Variants in RBFOX1 observed in about 807,000 individuals in gnomAD.
RBFOX1 encodes RNA binding fox-1 homolog 1, also known as RNA binding protein fox-1 homolog 1.
A neutral mutation model predicts 57.7 loss-of-function variants in RBFOX1; 8 were observed. That is an observed-to-expected ratio of 0.14 (90% CI 0.08 to 0.25). The LOEUF (loss-of-function observed/expected upper bound fraction) is 0.25. RBFOX1 is among the 10% of genes least tolerant of loss of function. RBFOX1 has a pLI of 1.00. For synonymous variants in RBFOX1, 326 were observed against 222.4 expected (o/e 1.47, Z -4.15); for missense variants, 611 against 548.5 (o/e 1.11, Z -1.14).
intron 3 of RBFOX1, among the ~76,000 whole-genome samples, chr16:5,707,619 A>C (rs767609831): frequency 2.0e-5 from 3 of 152,214 alleles, no homozygotes; most frequent in Non-Finnish European, 4.4e-5. Context: ...GTTTCCAGGG[A>C]AGATACAGCT....
intron 4 of RBFOX1, among the ~76,000 whole-genome samples, chr16:5,960,465 C>A (rs978596208): frequency 6.6e-6 from 1 of 152,142 alleles, no homozygotes; most frequent in Non-Finnish European, 1.5e-5. Flanking sequence ...GTGAAAACAG[C>A]AAATATGGAG....
chr16:6,793,244 G>T (rs916426851), intron 3 of RBFOX1, among the ~76,000 whole-genome samples: 2 of 152,230 alleles, frequency 1.3e-5, no homozygotes, highest in African/African-American at 4.8e-5. Flanking sequence ...GAACATTCCA[G>T]TAGACCGATT....
chr16:6,626,533 G>A (rs543190098), intron 2 of RBFOX1, among the ~76,000 whole-genome samples: 1 of 152,320 alleles, frequency 6.6e-6, no homozygotes, highest in Admixed American at 6.5e-5. Context: ...GCCGAGGCAG[G>A]CGGATCACCT....
intron 4 of RBFOX1, among the ~76,000 whole-genome samples, chr16:7,348,060 T>C (rs922079897): frequency 2.0e-5 from 3 of 152,254 alleles, no homozygotes; most frequent in African/African-American, 7.2e-5. Flanking sequence ...TTGACTTCTG[T>C]TTAACAGAAA....
intron 2 of RBFOX1, among the ~76,000 whole-genome samples, chr16:6,420,635 C>T (rs532661343): frequency 2.6e-5 from 4 of 152,298 alleles, no homozygotes; most frequent in Admixed American, 6.5e-5. Context: ...CAGTTCATCA[C>T]GTTTCTCATT....
intron 9 of RBFOX1, among the ~76,000 whole-genome samples, chr16:7,603,881 T>C (rs1436724214): frequency 6.6e-6 from 1 of 152,106 alleles, no homozygotes; most frequent in Non-Finnish European, 1.5e-5. Context: ...CTGATGTTTT[T>C]TTTAAAAAAA....
intron 4 of RBFOX1, among the ~76,000 whole-genome samples, chr16:7,226,686 G>T (rs893747171): frequency 6.6e-6 from 1 of 152,106 alleles, no homozygotes; most frequent in Non-Finnish European, 1.5e-5. Context: ...TTCTAAAACC[G>T]CAAAAAGTAC....
intron 3 of RBFOX1, among the ~76,000 whole-genome samples, chr16:6,977,073 CAT>C (rs1276384139): frequency 7.3e-6 from 1 of 137,350 alleles, no homozygotes; most frequent in African/African-American, 2.6e-5. Context: ...TATACTTTAT[CAT>C]ATATGATCTA....
intron 3 of RBFOX1, among the ~76,000 whole-genome samples, chr16:5,766,245 GGCCACAGGAGGA>G (rs1281116272): frequency 6.6e-6 from 1 of 152,106 alleles, no homozygotes; most frequent in Non-Finnish European, 1.5e-5. Flanking sequence ...CGTCTCACAT[GGCCACAGGAGGA>G]GCAAGAGAGA....
At chr16:6,467,115 A>G (rs1057183472) in intron 2 of RBFOX1, among the ~76,000 whole-genome samples, 1 of 151,032 alleles carries the variant, frequency 6.6e-6, no homozygotes, top group Non-Finnish European at 1.5e-5. Flanking sequence ...TACTTAATAT[A>G]TGAATTACAG....
intron 3 of RBFOX1, among the ~76,000 whole-genome samples, chr16:5,766,309 G>C (rs76644234): frequency 0.012 from 1,777 of 152,220 alleles, 35 homozygotes; most frequent in African/African-American, 0.04. Flanking sequence ...GATCTGGGCT[G>C]GGCACGGTGG....
At chr16:5,981,591 C>T (rs529414240) in intron 4 of RBFOX1, among the ~76,000 whole-genome samples, 1 of 152,120 alleles carries the variant, frequency 6.6e-6, no homozygotes, top group African/African-American at 2.4e-5. Flanking sequence ...GCTTCAGCCT[C>T]ATGAGTAGCT....
chr16:7,348,359 G>T (rs1603626491), intron 4 of RBFOX1, among the ~76,000 whole-genome samples: 1 of 151,834 alleles, frequency 6.6e-6, no homozygotes, highest in African/African-American at 2.4e-5. Context: ...AAGCAGCTGG[G>T]TTTTTAATAG....
chr16:5,440,665 C>T (rs914763815), intron 1 of RBFOX1, among the ~76,000 whole-genome samples: 2 of 152,238 alleles, frequency 1.3e-5, no homozygotes, highest in South Asian at 4.2e-4. Flanking sequence ...ATCTACCTGG[C>T]CAGGAGCCAC....
intron 2 of RBFOX1, among the ~76,000 whole-genome samples, chr16:6,511,090 G>T (rs2096247169): frequency 6.6e-6 from 1 of 152,188 alleles, no homozygotes; most frequent in African/African-American, 2.4e-5. Context: ...GCGTGGATCA[G>T]AATGGCTTTT....
At position 6,537,827 on chromosome 16, in the gene RBFOX1, A is replaced by G. The variant is rs146312713; in HGVS notation, c.-63-116776A>G. 5.2e-3 allele frequency among the ~76,000 whole-genome samples: 789 copies of G among 152,282 alleles called. 5 individuals carry two copies. The highest frequency in any genetic ancestry group is 0.021 in the Middle Eastern group (6 of 292). On this transcript the variant is annotated intron_variant, in intron 2 of 15. Transcript: ENST00000550418. The stretch of plus-strand genomic sequence containing the variant: ...TCAGGAAATGATTTACATATCCAGC[A>G]GGAGTGATTTTCTTTATATATAGAA...
rs147702663 is a variant in RBFOX1 at position 6,250,390 on chromosome 16, A to T, written c.-126-66605A>T. On this transcript the variant is annotated intron_variant, in intron 1 of 15. Coordinates refer to ENST00000550418, the MANE Select transcript of RBFOX1 (RefSeq NM_018723.4). ...ATGACTAGGAAAGTCACTCCTCTTG[A>T]CATTGCAATGTTTGTGATGCGGAGG... Among the ~76,000 whole-genome samples the T allele has an allele frequency of 4.1e-3, 628 of 152,250 alleles. 8 individuals are homozygous for T. Among genetic ancestry groups the T allele is most frequent in the African/African-American group, 0.015 (608 of 41,542 alleles).
chr16:6,171,501 T>C (rs903160864), intron 1 of RBFOX1, among the ~76,000 whole-genome samples: 3 of 152,168 alleles, frequency 2.0e-5, no homozygotes, highest in African/African-American at 7.2e-5. Flanking sequence ...TTCCTGGAGT[T>C]TGGTGGGATA....
Position 7,273,200 on chromosome 16 carries a change from CCCTCCCTTCCTTCCTTCCTTCCTT to C in RBFOX1, c.27+221106_27+221129del, listed in dbSNP as rs1294486432. Among the ~76,000 whole-genome samples, 208 of 53,376 alleles carry C rather than the reference CCCTCCCTTCCTTCCTTCCTTCCTT, an allele frequency of 3.9e-3. 13 individuals carry two copies. Among genetic ancestry groups the C allele is most frequent in the African/African-American group, 0.015 (198 of 12,864 alleles). The allele number at this position is 53,376 out of a possible 152,430, so 35.0% of individuals were successfully genotyped here. A position where few individuals can be genotyped will look rare whatever the true frequency, so the allele number is the denominator to read the frequency against. ...TCCCTTCCTTCCTCCCTTCCTTCCT[CCCTCCCTTCCTTCCTTCCTTCCTT>C]CCTTCCTTCCTTCCTTCCTTCCTTC... On this transcript the variant is annotated intron_variant, in intron 4 of 15. Transcript: ENST00000550418.
Sources: gnomAD v4.1 joint callset for allele counts (sites outside exome capture counted in the v4.1 genomes callset) on GRCh38, gnomAD v4.1.1 for gene constraint, MANE v1.5 for transcripts, NCBI Gene and HGNC (gene_info 2026-07-23, HGNC 2026-07-21) for gene names.